The following LMTK3 variants were observed in gnomAD, a reference collection of about 807,000 sequenced individuals.
LMTK3 encodes serine/threonine-protein kinase LMTK3.
LMTK3 carries 27 observed loss-of-function variants against 116.7 expected under a neutral mutation model. The ratio of observed to expected loss-of-function variants is 0.23; its 90% CI spans 0.17 to 0.32. LMTK3 has a LOEUF of 0.32. LMTK3 is among the 10% of genes least tolerant of loss of function. The pLI, the probability that LMTK3 is intolerant of heterozygous loss-of-function variation, is 1.00. For synonymous variants in LMTK3, 965 were observed against 971.0 expected (o/e 0.99, Z 0.11); for missense variants, 1,764 against 2,068.5 (o/e 0.85, Z 2.86).
Position 48,509,427 on chromosome 19 carries a change from G to A in LMTK3, c.438+10C>T. The A allele has an allele frequency of 6.4e-7, 1 of 1,551,690 alleles. No individual in the cohort carries two copies. The highest frequency in any genetic ancestry group is 8.7e-7 in the Non-Finnish European group (1 of 1,147,042). On this transcript the variant is annotated intron_variant, in intron 4 of 14. Transcript: ENST00000600059. ...CATGGAGCCCTGCCTCCCCTCCCCA[G>A]CCCACTCACCTTCCCAAACCAGCCA... is the stretch of plus-strand genomic sequence containing the variant.
intron 5 of LMTK3, 44 bp from the exon 6 acceptor site, chr19:48,503,040 C>T (rs1434245645): frequency 1.0e-5 from 12 of 1,188,540 alleles, no homozygotes; most frequent in Non-Finnish European, 1.5e-5. Context: ...CAGCCCCTTC[C>T]TCTTCATCCT....
At chr19:48,510,346 C>CT (rs1972635155) in intron 2 of LMTK3, 113 bp downstream of exon 2, 3 of 1,457,316 alleles carry the variant, frequency 2.1e-6, no homozygotes. Flanking sequence ...TAGCTTCAAG[C>CT]TGGAAGGTGC....
At chr19:48,509,090 T>C in intron 4 of LMTK3, 121 bp from the exon 5 acceptor site, 2 of 660,884 alleles carry the variant, frequency 3.0e-6, no homozygotes, top group Non-Finnish European at 5.2e-6. Context: ...TCCCTCCACA[T>C]CCCACCACCC....
chr19:48,504,079 G>C (rs986685389), intron 5 of LMTK3, among the ~76,000 whole-genome samples: 13 of 152,082 alleles, frequency 8.5e-5, no homozygotes, highest in African/African-American at 3.1e-4. Context: ...TGTTGGCCAG[G>C]CTGGTCTCAA....
chr19:48,505,860 TAA>T (rs760562019), intron 5 of LMTK3, among the ~76,000 whole-genome samples: 34 of 93,114 alleles, frequency 3.7e-4, no homozygotes, highest in African/African-American at 2.9e-4. Flanking sequence ...AAACTCTGTC[TAA>T]AAAAAAAAAA....
chr19:48,499,724 A>G lies in LMTK3; in HGVS notation c.1345T>C (p.Ser449Pro). ...AAGCCATCCAGTAGGGGGAACGGTGAGGAGAGGGTCCCCGGGCGGGGCGCA... is the reference window on the plus strand; with the variant it reads ...AAGCCATCCAGTAGGGGGAACGGTGGGGAGAGGGTCCCCGGGCGGGGCGCA... ...HSAPRPGTLSSPFPLLDGFPG... is the reference protein window; with the variant it reads ...HSAPRPGTLSPPFPLLDGFPG... The change falls in exon 11 of 15, where the codon TCA (serine) becomes CCA (proline). Residue 449 changes from serine (S) to proline (P), a missense_variant. Ser to Pro is a moderately conservative substitution (Grantham distance 74, BLOSUM62 -1). Around this residue, in one of 7 missense-constraint regions of LMTK3, gnomAD observed 63 missense variants for 65.0 expected, o/e 0.97. Transcript: ENST00000600059. 1.4e-6 allele frequency: 2 copies of G among 1,425,254 alleles called. No individual in the cohort carries two copies. The highest frequency in any genetic ancestry group is 1.9e-6 in the Non-Finnish European group (2 of 1,075,396). The allele number at this position is 1,425,254 out of a possible 1,614,324, so 88.3% of individuals were successfully genotyped here.
rs371062474 is a variant in LMTK3 at position 48,509,870 on chromosome 19, A to G, written c.361+153T>C. ...CAAGATGATCTTTGTCTGCCTCCCC[A>G]TAGGCTGCTTCCAAGATTCCAGCGC... On this transcript the variant is annotated intron_variant, in intron 3 of 14. Transcript: ENST00000600059. Among the ~76,000 whole-genome samples, 46 of 151,794 alleles carry G rather than the reference A, an allele frequency of 3.0e-4. No homozygotes were observed. In the South Asian group the frequency reaches 8.8e-3, roughly 29 times the overall value.
chr19:48,502,758 C>G (rs1012289765), intron 6 of LMTK3, 151 bp downstream of exon 6: 1 of 844,880 alleles, frequency 1.2e-6, no homozygotes, highest in Non-Finnish European at 1.8e-6. Context: ...GGCCAGCCCC[C>G]AGGACAGGCA....
chr19:48,493,657 C>T, intron 12 of LMTK3, 37 bp downstream of exon 12: 1 of 1,537,460 alleles, frequency 6.5e-7, no homozygotes, highest in South Asian at 1.2e-5. Flanking sequence ...TCCCTCCAGG[C>T]CGCGACCCCG....
chr19:48,504,285 G>A (rs1972525759), intron 5 of LMTK3, among the ~76,000 whole-genome samples: 1 of 152,188 alleles, frequency 6.6e-6, no homozygotes, highest in Admixed American at 6.6e-5. Context: ...CCCAATGCCA[G>A]GTTGGATACC....
At chr19:48,489,273 T>C (rs1438349947) in intron 14 of LMTK3, among the ~76,000 whole-genome samples, 1 of 151,960 alleles carries the variant, frequency 6.6e-6, no homozygotes, top group Non-Finnish European at 1.5e-5. Flanking sequence ...TAATAGCTAA[T>C]AATAATAATA....
At position 48,499,798 on chromosome 19, in the gene LMTK3, GGTGGCGGCGGT is replaced by G; in HGVS notation, c.1260_1270del (p.Pro422ThrfsTer47). The G allele has an allele frequency of 6.5e-7, 1 of 1,544,576 alleles. No homozygotes were observed. The highest frequency in any genetic ancestry group is 8.7e-7 in the Non-Finnish European group (1 of 1,144,294). On this transcript the variant is annotated frameshift_variant, in exon 11 of 15. Coordinates refer to ENST00000600059, the MANE Select transcript of LMTK3 (RefSeq NM_001388485.1). LOFTEE classifies it high-confidence loss of function. Reference sequence around the variant, plus strand: ...GGGGAAGGGACCGTCTCGGGGTGGGGGTGGCGGCGGTGGGGGCCGGGGAGGCCGCTCGGAGA... The same window carrying G: ...GGGGAAGGGACCGTCTCGGGGTGGGGGGGGGCCGGGGAGGCCGCTCGGAGA...
Position 48,509,418 on chromosome 19 carries a change from C to T in LMTK3, c.438+19G>A, listed in dbSNP as rs1433316903. 1.3e-6 allele frequency: 2 copies of T among 1,549,922 alleles called. No homozygotes were observed. The highest frequency in any genetic ancestry group is 1.2e-5 in the South Asian group (1 of 84,014). ...CTCGGGATCCATGGAGCCCTGCCTC[C>T]CCTCCCCAGCCCACTCACCTTCCCA... On this transcript the variant is annotated intron_variant, in intron 4 of 14. Coordinates refer to ENST00000600059, the MANE Select transcript of LMTK3 (RefSeq NM_001388485.1).
In LMTK3 at chr19:48,511,552, G is replaced by T. The variant is rs773823450; in HGVS notation, c.25C>A (p.Leu9Ile). 4.1e-6 allele frequency: 6 copies of T among 1,449,014 alleles called. No individual in the cohort carries two copies. Among genetic ancestry groups the T allele is most frequent in the Middle Eastern group, 2.6e-4 (1 of 3,898 alleles). 89.8% of individuals were successfully genotyped at this position (1,449,014 alleles called of 1,614,324 possible). ...CCGGAGGCGGAGACGGCCGCAAGGA[G>T]GATGAGGGCGCCGGGGGCAGGCATC... MPAPGALI[L>I]LAAVSASGCL... Residue 9 changes from leucine to isoleucine, a missense_variant, in exon 1 of 15, where the codon CTC (leucine) becomes ATC (isoleucine). Physicochemically the swap from Leu to Ile is conservative, Grantham distance 5. Around this residue, in one of 7 missense-constraint regions of LMTK3, gnomAD observed 66 missense variants for 61.1 expected, o/e 1.08. Coordinates refer to ENST00000600059, the MANE Select transcript of LMTK3 (RefSeq NM_001388485.1).
rs1474407754 is a variant in LMTK3, at chr19:48,499,423, G to A, written c.1646C>T (p.Pro549Leu). 4 of 1,460,778 alleles carry A rather than the reference G, an allele frequency of 2.7e-6. No homozygotes were observed. The highest frequency in any genetic ancestry group is 1.4e-5 in the African/African-American group (1 of 69,512). The allele number at this position is 1,460,778 out of a possible 1,614,324, so 90.5% of individuals were successfully genotyped here. Reference sequence around the variant, plus strand: ...CCAGTCGTTGGGGAAGAGGGGCTCAGGAGGGGAGCCGTGCTCCTCCAAGCG... The same window carrying A: ...CCAGTCGTTGGGGAAGAGGGGCTCAAGAGGGGAGCCGTGCTCCTCCAAGCG... Reference protein sequence around the residue: ...YIRLEEHGSPPEPLFPNDWDP... With the variant: ...YIRLEEHGSPLEPLFPNDWDP... Residue 549 changes from proline to leucine, a missense_variant, in exon 11 of 15, where the codon CCT becomes CTT. Physicochemically the swap from Pro to Leu is moderately conservative, Grantham distance 98 (BLOSUM62 -3). This residue lies in a region of LMTK3 where 1,028 missense variants were observed against 1,050.6 expected (regional missense o/e 0.98). Coordinates refer to ENST00000600059, the MANE Select transcript of LMTK3 (RefSeq NM_001388485.1).
In LMTK3 at chr19:48,500,911, G is replaced by A; in HGVS notation, c.1151+85C>T. On this transcript the variant is annotated intron_variant, in intron 10 of 14. Transcript: ENST00000600059. The surrounding 1 kb of genome is among the most constrained non-coding windows in gnomAD (Gnocchi z 4.0). Reference sequence around the variant, plus strand: ...GGGTATGGAGGGCAAACGGGATGTGGGTGATGTGGGAAACGAGGGGGGATG... The same window carrying A: ...GGGTATGGAGGGCAAACGGGATGTGAGTGATGTGGGAAACGAGGGGGGATG... 8.2e-6 allele frequency: 11 copies of A among 1,336,496 alleles called. No homozygotes were observed. The highest frequency in any genetic ancestry group is 2.6e-5 in the East Asian group (1 of 39,008). The allele number at this position is 1,336,496 out of a possible 1,614,324, so 82.8% of individuals were successfully genotyped here.
rs1972459615 is a variant in LMTK3 at position 48,501,216 on chromosome 19, C to A, written c.1001+67G>T. On this transcript the variant is annotated intron_variant, in intron 9 of 14. Coordinates refer to ENST00000600059, the MANE Select transcript of LMTK3 (RefSeq NM_001388485.1). The stretch of plus-strand genomic sequence containing the variant: ...GGCCTCATTTTCCCCATCTGTAGAA[C>A]CGGTGGCATCTAGTAACCCTTCCAC... 4 of 1,606,684 alleles carry A rather than the reference C, an allele frequency of 2.5e-6. No homozygotes were observed. The South Asian group carries it at 3.3e-5, about 13-fold the overall frequency.
Position 48,511,542 on chromosome 19 carries a change from G to A in LMTK3, c.35C>T (p.Ala12Val), listed in dbSNP as rs1250314236. The change falls in exon 1 of 15, where the codon GCC becomes GTC. Residue 12 changes from alanine to valine, a missense_variant. By Grantham distance (64) the Ala-to-Val change is moderately conservative. Transcript: ENST00000600059. Reference protein sequence around the residue: ...PAPGALILLAAVSASGCLASP... With the variant: ...PAPGALILLAVVSASGCLASP... ...CGCCAGGCAGCCGGAGGCGGAGACG[G>A]CCGCAAGGAGGATGAGGGCGCCGGG... is the stretch of plus-strand genomic sequence containing the variant. 7.0e-6 allele frequency: 10 copies of A among 1,436,204 alleles called. No homozygotes were observed. In the African/African-American group the frequency reaches 8.7e-5, roughly 13 times the overall value. The allele number at this position is 1,436,204 out of a possible 1,614,324, so 89.0% of individuals were successfully genotyped here.
In LMTK3 at chr19:48,499,738, G is replaced by T; in HGVS notation, c.1331C>A (p.Pro444Gln). ...GGGGAACGGTGAGGAGAGGGTCCCC[G>T]GGCGGGGCGCACTGTGTGCAGGGGG... ...PWPPAHSAPR[P>Q]GTLSSPFPLL... Residue 444 changes from proline to glutamine, a missense_variant, in exon 11 of 15, where the codon CCG (proline) becomes CAG (glutamine). Coordinates refer to ENST00000600059, the MANE Select transcript of LMTK3 (RefSeq NM_001388485.1). 2 of 1,529,048 alleles carry T rather than the reference G, an allele frequency of 1.3e-6. No individual in the cohort carries two copies. Among genetic ancestry groups the T allele is most frequent in the South Asian group, 1.2e-5 (1 of 81,472 alleles). The allele number at this position is 1,529,048 out of a possible 1,614,324, so 94.7% of individuals were successfully genotyped here.
Sources: allele counts gnomAD v4.1 joint callset (sites outside exome capture counted in the v4.1 genomes callset), GRCh38; gene constraint gnomAD v4.1.1; regional missense constraint gnomAD v4.1.1; non-coding constraint Gnocchi (gnomAD v3.1); transcripts MANE v1.5; gene names NCBI Gene and HGNC (gene_info 2026-07-23, HGNC 2026-07-21).